The following UNC5D variants were observed in gnomAD, a reference collection of about 807,000 sequenced individuals.
UNC5D encodes the protein netrin receptor UNC5D.
UNC5D carries 39 observed loss-of-function variants against 105.4 expected under a neutral mutation model. That is an observed-to-expected ratio of 0.37 (90% CI 0.29 to 0.48). The LOEUF (loss-of-function observed/expected upper bound fraction) is 0.48. Among genes scored for constraint, UNC5D ranks in the 20% least tolerant of loss-of-function variants. The probability of loss-of-function intolerance (pLI) is 0.98; values close to 1 mark genes in which losing one functional copy is unlikely to be tolerated. For missense variants in UNC5D, 991 were observed against 1,202.4 expected, an observed-to-expected ratio of 0.82 and a Z score of 2.60; for synonymous variants, 452 against 450.4, an observed-to-expected ratio of 1.00 and a Z score of -0.04.
chr8:35,650,557 T>C (rs2131178371), intron 4 of UNC5D, among the ~76,000 whole-genome samples: 1 of 152,260 alleles, frequency 6.6e-6, no homozygotes, highest in East Asian at 1.9e-4. Context: ...AACATTTGCC[T>C]CCTGAGTTCA....
chr8:35,286,670 G>A (rs935415237), intron 1 of UNC5D, among the ~76,000 whole-genome samples: 3 of 152,128 alleles, frequency 2.0e-5, no homozygotes, highest in Non-Finnish European at 2.9e-5. Context: ...CAAACCAGGA[G>A]GCAGTTGCAG....
At chr8:35,587,844 C>T (rs1586191431) in intron 3 of UNC5D, among the ~76,000 whole-genome samples, 1 of 151,294 alleles carries the variant, frequency 6.6e-6, no homozygotes, top group Non-Finnish European at 1.5e-5. Flanking sequence ...ATATTCATTA[C>T]AGAAATTTTG....
chr8:35,549,560 C>G lies in UNC5D; in HGVS notation c.322+50C>G, dbSNP rs142318399. The G allele has an allele frequency of 1.0e-4, 162 of 1,549,938 alleles. No individual in the cohort carries two copies. The African/African-American group carries it at 1.8e-3, about 17-fold the overall frequency. ...CAGCTGTGGTGACTCTTTAGGTTCT[C>G]CTGTGGTTATATCTCTGGGAAAGAC... On this transcript the variant is annotated intron_variant, in intron 2 of 16. Coordinates refer to ENST00000404895, the MANE Select transcript of UNC5D (RefSeq NM_080872.4).
intron 8 of UNC5D, among the ~76,000 whole-genome samples, chr8:35,716,060 A>ATAGT (rs1828233840): frequency 6.6e-6 from 1 of 152,172 alleles, no homozygotes; most frequent in African/African-American, 2.4e-5. Context: ...TGCCAGTGCT[A>ATAGT]TAGTTAGTGA....
chr8:35,749,804 C>G (rs901870003), intron 12 of UNC5D, among the ~76,000 whole-genome samples: 1 of 152,122 alleles, frequency 6.6e-6, no homozygotes, highest in Admixed American at 6.5e-5. Context: ...TATTTATGCT[C>G]TATCAAACCA....
At chr8:35,354,785 C>T (rs1801456210) in intron 1 of UNC5D, among the ~76,000 whole-genome samples, 1 of 152,114 alleles carries the variant, frequency 6.6e-6, no homozygotes, top group African/African-American at 2.4e-5. Flanking sequence ...TTGGGAAGGG[C>T]ACAGCTGGAT....
At chr8:35,680,892 C>T (rs1825615148) in intron 4 of UNC5D, among the ~76,000 whole-genome samples, 2 of 152,166 alleles carry the variant, frequency 1.3e-5, no homozygotes, top group Non-Finnish European at 2.9e-5. Context: ...AGGAGAAGTG[C>T]TTGCTAGATG....
intron 1 of UNC5D, among the ~76,000 whole-genome samples, chr8:35,280,338 T>C (rs937298016): frequency 1.1e-4 from 16 of 152,220 alleles, no homozygotes; most frequent in African/African-American, 3.6e-4. Context: ...GCAAAATACC[T>C]GTGATGAAGG....
At chr8:35,334,581 C>T (rs1177697523) in intron 1 of UNC5D, among the ~76,000 whole-genome samples, 7 of 151,482 alleles carry the variant, frequency 4.6e-5, no homozygotes, top group Non-Finnish European at 8.8e-5. Flanking sequence ...GGCACCATCT[C>T]GGCTCACTGC....
At chr8:35,589,993 C>G (rs1192103226) in intron 3 of UNC5D, among the ~76,000 whole-genome samples, 1 of 152,092 alleles carries the variant, frequency 6.6e-6, no homozygotes, top group Non-Finnish European at 1.5e-5. Context: ...ATTACTTAAA[C>G]AAAACTAAGC....
chr8:35,416,128 G>C (rs1334253226), intron 1 of UNC5D, among the ~76,000 whole-genome samples: 1 of 151,988 alleles, frequency 6.6e-6, no homozygotes, highest in East Asian at 1.9e-4. Context: ...TTGTATGCCT[G>C]TATCAAAATA....
At chr8:35,308,598 G>A (rs545493904) in intron 1 of UNC5D, among the ~76,000 whole-genome samples, 1 of 152,206 alleles carries the variant, frequency 6.6e-6, no homozygotes, top group African/African-American at 2.4e-5. Flanking sequence ...TCTGCCATCT[G>A]GTAGTAGGAA....
At chr8:35,703,339 T>C (rs76275917) in intron 7 of UNC5D, among the ~76,000 whole-genome samples, 7,984 of 152,264 alleles carry the variant, frequency 0.052, 419 homozygotes, top group African/African-American at 0.11. Flanking sequence ...CAGTAGCAAC[T>C]TTTAATGGGA....
chr8:35,662,736 G>T (rs554122567), intron 4 of UNC5D, among the ~76,000 whole-genome samples: 2 of 152,140 alleles, frequency 1.3e-5, no homozygotes. Flanking sequence ...TTGTTAGAGC[G>T]GTGAGGTTTT....
chr8:35,339,435 G>C (rs780073889), intron 1 of UNC5D, among the ~76,000 whole-genome samples: 20 of 152,300 alleles, frequency 1.3e-4, no homozygotes, highest in Admixed American at 5.9e-4. Flanking sequence ...CTTTCCATCT[G>C]TCTATTTATG....
intron 15 of UNC5D, among the ~76,000 whole-genome samples, chr8:35,773,330 G>T (rs1281298742): frequency 1.3e-5 from 2 of 152,110 alleles, no homozygotes; most frequent in Non-Finnish European, 2.9e-5. Flanking sequence ...GAGCCTTCCT[G>T]ATTATACCAC....
At chr8:35,295,369 C>A (rs1807404501) in intron 1 of UNC5D, among the ~76,000 whole-genome samples, 1 of 152,064 alleles carries the variant, frequency 6.6e-6, no homozygotes, top group Admixed American at 6.5e-5. Flanking sequence ...ATACATGGTT[C>A]ATCTGCAAGT....
At position 35,307,456 on chromosome 8, in the gene UNC5D, G is replaced by A. The variant is rs866035625; in HGVS notation, c.103+71569G>A. Among the ~76,000 whole-genome samples, 8 of 152,236 alleles carry A rather than the reference G, an allele frequency of 5.3e-5. No individual in the cohort carries two copies. The South Asian group carries it at 1.2e-3, about 24-fold the overall frequency. On this transcript the variant is annotated intron_variant, in intron 1 of 16. Transcript: ENST00000404895. The stretch of plus-strand genomic sequence containing the variant: ...AAGCAGCAGATATTAAGTATTATAC[G>A]ACATGGTTCAGACAACTGCTGTTTG...
intron 7 of UNC5D, among the ~76,000 whole-genome samples, chr8:35,690,288 A>G (rs1013409723): frequency 2.0e-5 from 3 of 152,168 alleles, no homozygotes; most frequent in Non-Finnish European, 4.4e-5. Context: ...GCCCAACTCC[A>G]GGATGTATTC....
Sources: gnomAD v4.1 joint callset for allele counts (sites outside exome capture counted in the v4.1 genomes callset) on GRCh38, gnomAD v4.1.1 for gene constraint, MANE v1.5 for transcripts, NCBI Gene and HGNC (gene_info 2026-07-23, HGNC 2026-07-21) for gene names.